ISLR2: variants seen among roughly 807,000 people sequenced by gnomAD.
ISLR2 encodes immunoglobulin superfamily containing leucine rich repeat 2.
In ISLR2, 16 loss-of-function variants were observed where a neutral mutation model predicts 25.5. The ratio of observed to expected loss-of-function variants is 0.63; its 90% CI spans 0.43 to 0.95. The LOEUF (loss-of-function observed/expected upper bound fraction) is 0.95. ISLR2 is among the 40% of genes least tolerant of loss of function. ISLR2 has a pLI of 0.00. For missense variants in ISLR2, 883 were observed against 1,030.7 expected (o/e 0.86, Z 1.96); for synonymous variants, 508 against 486.6 (o/e 1.04, Z -0.58).
In ISLR2 at chr15:74,110,656, TAA is replaced by T. The variant is rs753865797; in HGVS notation, n.228+6759_228+6760del. On this transcript the variant is annotated intron_variant and non_coding_transcript_variant, in intron 2 of 3. Transcript: ENST00000561975. ...AACATGGTGAAACCCTGTCTCTACT[TAA>T]AAAAAAAAAAAAAAAAGGCTGGGCA... Among the ~76,000 whole-genome samples, 720 of 111,192 alleles carry T rather than the reference TAA, an allele frequency of 6.5e-3. 10 individuals are homozygous for T. The highest frequency in any genetic ancestry group is 0.022 in the African/African-American group (655 of 30,454). 72.9% of individuals were successfully genotyped at this position (111,192 alleles called of 152,430 possible).
chr15:74,111,624 ATTCT>A lies in ISLR2; in HGVS notation n.228+7713_228+7716del, dbSNP rs2072168681. 2.7e-5 allele frequency among the ~76,000 whole-genome samples: 4 copies of A among 147,456 alleles called. No individual in the cohort carries two copies. The South Asian group carries it at 8.6e-4, about 32-fold the overall frequency. ...CATTCATTCATTCATTCATTCATTCATTCTTTGAGACAGAGTCTTGCCCTGTGGC... is the reference window on the plus strand; with the variant it reads ...CATTCATTCATTCATTCATTCATTCATTGAGACAGAGTCTTGCCCTGTGGC... On this transcript the variant is annotated intron_variant and non_coding_transcript_variant, in intron 2 of 3. Transcript: ENST00000561975.
At chr15:74,138,288 C>CTTTT (rs34518777), downstream of ISLR2, 10 of 91,636 alleles carry the variant, frequency 1.1e-4, no homozygotes, top group South Asian at 4.0e-4. Flanking sequence ...TTTCTTTTCT[C>CTTTT]TTTTTTTTTT....
At chr15:74,125,208 T>C (rs1027735567), upstream of ISLR2, among the ~76,000 whole-genome samples, 4 of 151,964 alleles carry the variant, frequency 2.6e-5, no homozygotes, top group African/African-American at 7.3e-5. Context: ...TACTTGTTTT[T>C]TGGTGTTTTT....
At chr15:74,130,274 T>G (rs2072378560), upstream of ISLR2, 1 of 149,854 alleles carries the variant, frequency 6.7e-6, no homozygotes, top group African/African-American at 2.5e-5. Context: ...CAGGCAAAAA[T>G]GGTAGGGAGG....
chr15:74,137,521 T>G (rs773456245), downstream of ISLR2, among the ~76,000 whole-genome samples: 1 of 152,074 alleles, frequency 6.6e-6, no homozygotes. Context: ...ACACACTGAT[T>G]TCATAGTCCT....
chr15:74,116,178 A>T (rs192348159), intron 2 of ISLR2, among the ~76,000 whole-genome samples: 3 of 152,274 alleles, frequency 2.0e-5, no homozygotes, highest in Admixed American at 2.0e-4. Context: ...GCCTGGGCAC[A>T]TAGTGAGACC....
chr15:74,118,878 C>T (rs1186346150), intron 2 of ISLR2, among the ~76,000 whole-genome samples: 6 of 151,966 alleles, frequency 3.9e-5, no homozygotes, highest in Admixed American at 6.6e-5. Flanking sequence ...AGGATGGTCT[C>T]GATCTCTTGA....
rs908990161 is a variant in ISLR2, at chr15:74,136,053, G to A, written c.*1061G>A. The stretch of plus-strand genomic sequence containing the variant: ...TGCTAACACCCCCTTCCCAGCCTCT[G>A]GGAAAATCGAGTGTGTGTGTCGGGG... On this transcript the variant is annotated 3_prime_UTR_variant, in exon 3 of 3. Coordinates refer to ENST00000453268, the MANE Select transcript of ISLR2 (RefSeq NM_020851.3). 1 of 166,684 alleles carries A rather than the reference G, an allele frequency of 6.0e-6. No individual in the cohort carries two copies. Among genetic ancestry groups the A allele is most frequent in the African/African-American group, 2.4e-5 (1 of 41,452 alleles). 10.3% of individuals were successfully genotyped at this position (166,684 alleles called of 1,614,324 possible).
At chr15:74,104,845 G>A (rs1357068096) in intron 2 of ISLR2, among the ~76,000 whole-genome samples, 5 of 144,188 alleles carry the variant, frequency 3.5e-5, no homozygotes, top group South Asian at 2.4e-4. Flanking sequence ...CTCAGCCTCC[G>A]AAAGCGTTGA....
At chr15:74,117,839 C>T (rs2072222657) in intron 2 of ISLR2, among the ~76,000 whole-genome samples, 1 of 152,184 alleles carries the variant, frequency 6.6e-6, no homozygotes, top group Admixed American at 6.5e-5. Flanking sequence ...ATTACATCCA[C>T]CTTGTGGATG....
At chr15:74,104,649 G>A (rs2072106571) in intron 2 of ISLR2, among the ~76,000 whole-genome samples, 1 of 151,754 alleles carries the variant, frequency 6.6e-6, no homozygotes, top group South Asian at 2.1e-4. Flanking sequence ...CAGATGTGGT[G>A]CTGCGCTCTG....
chr15:74,115,028 G>A (rs2141932544), intron 2 of ISLR2, among the ~76,000 whole-genome samples: 1 of 152,176 alleles, frequency 6.6e-6, no homozygotes, highest in South Asian at 2.1e-4. Flanking sequence ...TTTGGCAAAG[G>A]GCTGATATGG....
At chr15:74,107,598 C>T (rs761827332) in intron 2 of ISLR2, among the ~76,000 whole-genome samples, 7 of 152,178 alleles carry the variant, frequency 4.6e-5, no homozygotes, top group Non-Finnish European at 8.8e-5. Context: ...CACCATTTGG[C>T]CCAGGCAAAT....
intron 2 of ISLR2, among the ~76,000 whole-genome samples, chr15:74,122,232 G>T (rs537751883): frequency 6.6e-6 from 1 of 152,350 alleles, no homozygotes; most frequent in Non-Finnish European, 1.5e-5. Context: ...AAGTGAAAGG[G>T]ATAGAGGACC....
In ISLR2 at chr15:74,114,002, G is replaced by A. The variant is rs559836414; in HGVS notation, n.228+10088G>A. Among the ~76,000 whole-genome samples the A allele has an allele frequency of 1.4e-4, 21 of 152,292 alleles. No homozygotes were observed. In the South Asian group the frequency reaches 2.7e-3, roughly 20 times the overall value. ...TCTCCTCTGCAACTCCATCCTTTCT[G>A]ATACTCTGCCACACACATTTTAGCA... On this transcript the variant is annotated intron_variant and non_coding_transcript_variant, in intron 2 of 3. Transcript: ENST00000561975.
In ISLR2 at chr15:74,133,908, G is replaced by A; in HGVS notation, c.1154G>A (p.Gly385Glu). 1 of 1,605,334 alleles carries A rather than the reference G, an allele frequency of 6.2e-7. No homozygotes were observed. The highest frequency in any genetic ancestry group is 8.5e-7 in the Non-Finnish European group (1 of 1,176,170). ...TGPPKHAPGA[G>E]GEPDGQAPTS... The stretch of plus-strand genomic sequence containing the variant: ...CCCCCAAAACACGCGCCTGGCGCCG[G>A]GGGAGAACCCGACGGACAGGCCCCG... The change falls in exon 3 of 3, where the codon GGG becomes GAG. Residue 385 changes from glycine (G) to glutamate (E), a missense_variant. Physicochemically the swap from Gly to Glu is moderately conservative, Grantham distance 98. This residue lies in a region of ISLR2 where 612 missense variants were observed against 642.8 expected (regional missense o/e 0.95). Transcript: ENST00000453268.
intron 2 of ISLR2, among the ~76,000 whole-genome samples, chr15:74,107,676 C>T (rs1394353299): frequency 6.6e-6 from 1 of 152,218 alleles, no homozygotes; most frequent in Non-Finnish European, 1.5e-5. Flanking sequence ...AGTCAAGTTC[C>T]ATTCTGGAAA....
Position 74,134,449 on chromosome 15 carries a change from C to A in ISLR2, c.1695C>A (p.Ser565=). ...FRGLRPGTNY[S]VCLALAGEAC... is the part of the protein sequence containing the mutation. ...GCCTGCGGCCGGGTACCAACTACTCCGTGTGCCTGGCGCTGGCGGGCGAAG... is the reference window on the plus strand; with the variant it reads ...GCCTGCGGCCGGGTACCAACTACTCAGTGTGCCTGGCGCTGGCGGGCGAAG... Residue 565 remains serine (S), a synonymous_variant, in exon 3 of 3, where the codon TCC becomes TCA. Transcript: ENST00000453268. The A allele has an allele frequency of 6.2e-7, 1 of 1,613,110 alleles. No homozygotes were observed.
At chr15:74,110,580 G>A (rs1054568817) in intron 2 of ISLR2, among the ~76,000 whole-genome samples, 12 of 151,852 alleles carry the variant, frequency 7.9e-5, no homozygotes, top group African/African-American at 2.7e-4. Context: ...CACTTTGGGA[G>A]GCCAAGGTGA....
Sources: allele counts gnomAD v4.1 joint callset (sites outside exome capture counted in the v4.1 genomes callset), GRCh38; gene constraint gnomAD v4.1.1; regional missense constraint gnomAD v4.1.1; transcripts MANE v1.5; gene names NCBI Gene and HGNC (gene_info 2026-07-23, HGNC 2026-07-21).